Variants in SPEF2 observed in about 807,000 individuals in gnomAD.
SPEF2 encodes the protein sperm flagellar and cilia associated 2.
In SPEF2, 187 loss-of-function variants were observed where a neutral mutation model predicts 224.6. The ratio of observed to expected loss-of-function variants is 0.83; its 90% CI spans 0.74 to 0.94. The LOEUF (loss-of-function observed/expected upper bound fraction) is 0.94, where lower values mean the gene tolerates loss of function less well. Among genes scored for constraint, SPEF2 ranks in the 40% least tolerant of loss-of-function variants. The pLI is 0.00. For synonymous variants in SPEF2, 715 were observed against 707.3 expected (o/e 1.01, Z -0.17); for missense variants, 2,170 against 2,135.6 (o/e 1.02, Z -0.32).
Position 35,727,840 on chromosome 5 carries a change from T to A in SPEF2, c.3063+17T>A. On this transcript the variant is annotated intron_variant, in intron 21 of 36. Transcript: ENST00000356031. ...GTTCCTGAGGTATGGCCATTTAGAA[T>A]CAAGCTGGCAGAATTCATTCTTTCT... 1.9e-6 allele frequency: 3 copies of A among 1,604,740 alleles called. No homozygotes were observed. The highest frequency in any genetic ancestry group is 2.5e-6 in the Non-Finnish European group (3 of 1,176,574).
chr5:35,804,928 T>C (rs1192191759), intron 34 of SPEF2, among the ~76,000 whole-genome samples: 46 of 152,182 alleles, frequency 3.0e-4, no homozygotes, highest in Non-Finnish European at 2.9e-5. Flanking sequence ...TGAATAGAAA[T>C]TTATTCATCC....
At chr5:35,751,062 T>TATATACAC (rs1554048737) in intron 23 of SPEF2, among the ~76,000 whole-genome samples, 3 of 28,118 alleles carry the variant, frequency 1.1e-4, no homozygotes, top group African/African-American at 1.8e-4. Flanking sequence ...TATACGTATA[T>TATATACAC]ATATGTATAT....
Position 35,694,550 on chromosome 5 carries a change from T to C in SPEF2, c.1975+187T>C, listed in dbSNP as rs909006849. 3.9e-5 allele frequency among the ~76,000 whole-genome samples: 6 copies of C among 152,332 alleles called. 1 individual carries two copies. ...CTCTTGCCTACAGCTGGGGATAAGA[T>C]GAAAATTACAAGGCAATCTTTTCAG... On this transcript the variant is annotated intron_variant, in intron 13 of 36. Transcript: ENST00000356031.
intron 18 of SPEF2, among the ~76,000 whole-genome samples, chr5:35,706,046 A>G (rs1005772205): frequency 4.8e-5 from 5 of 103,600 alleles, no homozygotes; most frequent in African/African-American, 1.9e-4. Flanking sequence ...CATTGTTTTC[A>G]CATAAAAAAA....
At chr5:35,717,316 C>T (rs1456363996) in intron 20 of SPEF2, among the ~76,000 whole-genome samples, 1 of 152,152 alleles carries the variant, frequency 6.6e-6, no homozygotes, top group African/African-American at 2.4e-5. Context: ...CCAGAGTTCT[C>T]TGGAACAAAC....
At chr5:35,731,081 G>A (rs1745569656) in intron 21 of SPEF2, among the ~76,000 whole-genome samples, 1 of 152,118 alleles carries the variant, frequency 6.6e-6, no homozygotes, top group African/African-American at 2.4e-5. Flanking sequence ...CTGCCAAAAT[G>A]CCAAAAATGA....
chr5:35,746,517 C>T (rs1479434072), intron 23 of SPEF2, among the ~76,000 whole-genome samples: 1 of 151,952 alleles, frequency 6.6e-6, no homozygotes, highest in Non-Finnish European at 1.5e-5. Context: ...TTTTAGAAAC[C>T]TGAAATGTTC....
intron 10 of SPEF2, among the ~76,000 whole-genome samples, chr5:35,681,140 G>A (rs573406045): frequency 8.5e-5 from 13 of 152,204 alleles, no homozygotes; most frequent in African/African-American, 2.4e-4. Flanking sequence ...TAAGCCTAAA[G>A]TTTTCTTGCA....
chr5:35,630,065 T>G (rs1364234139), intron 2 of SPEF2, among the ~76,000 whole-genome samples: 1 of 152,200 alleles, frequency 6.6e-6, no homozygotes, highest in East Asian at 1.9e-4. Context: ...AATCATCTCC[T>G]TTGACTCCAT....
intron 23 of SPEF2, among the ~76,000 whole-genome samples, chr5:35,748,705 C>G (rs1311760661): frequency 6.6e-6 from 1 of 152,008 alleles, no homozygotes; most frequent in East Asian, 1.9e-4. Flanking sequence ...CAAAAAAGTC[C>G]AGGACCAGGT....
intron 29 of SPEF2, among the ~76,000 whole-genome samples, chr5:35,777,589 A>G (rs1166522213): frequency 1.3e-5 from 2 of 150,832 alleles, no homozygotes; most frequent in African/African-American, 4.9e-5. Context: ...TTTATATTGT[A>G]TATGTCTGCC....
intron 20 of SPEF2, among the ~76,000 whole-genome samples, chr5:35,723,186 C>T (rs2149640650): frequency 6.6e-6 from 1 of 152,218 alleles, no homozygotes; most frequent in East Asian, 1.9e-4. Flanking sequence ...TCCCACCTGG[C>T]TGTCTCATTA....
At chr5:35,710,112 A>G (rs1424766181) in intron 19 of SPEF2, 1 of 985,358 alleles carries the variant, frequency 1.0e-6, no homozygotes, top group Non-Finnish European at 1.2e-6. Context: ...CAGGCAAAAT[A>G]CACACATCCT....
chr5:35,776,525 G>C, intron 29 of SPEF2, 130 bp downstream of exon 29: 3 of 882,806 alleles, frequency 3.4e-6, no homozygotes, highest in Non-Finnish European at 5.1e-6. Context: ...AGGAAATCAC[G>C]TGTATAAACA....
intron 10 of SPEF2, among the ~76,000 whole-genome samples, chr5:35,684,329 T>G (rs993830881): frequency 1.3e-5 from 2 of 152,216 alleles, no homozygotes; most frequent in Non-Finnish European, 2.9e-5. Flanking sequence ...GCTAGGAACT[T>G]CATAGGCTTT....
At chr5:35,649,669 GT>G (rs1747913872) in intron 6 of SPEF2, among the ~76,000 whole-genome samples, 2 of 152,166 alleles carry the variant, frequency 1.3e-5, no homozygotes, top group Admixed American at 1.3e-4. Context: ...TCTGTGCTAT[GT>G]TTATTCTTCT....
chr5:35,777,029 C>G (rs575135897), intron 29 of SPEF2, among the ~76,000 whole-genome samples: 10 of 152,286 alleles, frequency 6.6e-5, no homozygotes, highest in Non-Finnish European at 1.5e-4. Flanking sequence ...CTTGATTGCT[C>G]TGGGCCTCAT....
chr5:35,671,619 A>G, intron 10 of SPEF2: 1 of 701,706 alleles, frequency 1.4e-6, no homozygotes, highest in Non-Finnish European at 1.8e-6. Context: ...TACTTGCTAA[A>G]CAGCTCAATC....
chr5:35,697,731 G>C lies in SPEF2; in HGVS notation c.2079G>C (p.Leu693Phe). The change falls in exon 15 of 37, where the codon TTG becomes TTC. Residue 693 changes from leucine (L) to phenylalanine (F), a missense_variant. Leu to Phe is a conservative substitution (Grantham distance 22, BLOSUM62 0). Coordinates refer to ENST00000356031, the MANE Select transcript of SPEF2 (RefSeq NM_024867.4). ...RAQLGAKSEQ[L>F]LKKGKSIPDV... ...AGCTTGGTGCAAAATCAGAACAGTT[G>C]CTGAAGAAAGGAAAGAGCATTCCTG... is the stretch of plus-strand genomic sequence containing the variant. The C allele has an allele frequency of 6.2e-7, 1 of 1,613,434 alleles. No individual in the cohort carries two copies. Among genetic ancestry groups the C allele is most frequent in the Non-Finnish European group, 8.5e-7 (1 of 1,179,664 alleles).
Sources: allele counts gnomAD v4.1 joint callset (sites outside exome capture counted in the v4.1 genomes callset), GRCh38; gene constraint gnomAD v4.1.1; transcripts MANE v1.5; gene names NCBI Gene and HGNC (gene_info 2026-07-23, HGNC 2026-07-21).